ARHGAP40: variants seen among roughly 807,000 people sequenced by gnomAD.
ARHGAP40 encodes Rho GTPase activating protein 40, also known as rho GTPase-activating protein 40.
In ARHGAP40, 43 loss-of-function variants were observed where a neutral mutation model predicts 73.5. The observed-to-expected ratio is 0.58, with a 90% CI of 0.46 to 0.75. The LOEUF (loss-of-function observed/expected upper bound fraction) is 0.75, where lower values mean the gene tolerates loss of function less well. Ranked by LOEUF, ARHGAP40 falls within the 30% of genes least tolerant of loss-of-function variation. The pLI is 0.00. For synonymous variants in ARHGAP40, 300 were observed against 352.8 expected, an observed-to-expected ratio of 0.85 and a Z score of 1.68; for missense variants, 734 against 861.8, an observed-to-expected ratio of 0.85 and a Z score of 1.86.
intron 10 of ARHGAP40, among the ~76,000 whole-genome samples, chr20:38,643,290 CAG>C (rs1321428685): frequency 6.6e-6 from 1 of 152,240 alleles, no homozygotes; most frequent in African/African-American, 2.4e-5. Context: ...CTGCTCTTCT[CAG>C]TGTCTCTGCT....
rs1214550381 is a variant in ARHGAP40, at chr20:38,619,270, T to G, written c.138-4089T>G. Among the ~76,000 whole-genome samples the G allele has an allele frequency of 2.6e-5, 4 of 152,118 alleles. No homozygotes were observed. The East Asian group carries it at 7.7e-4, about 29-fold the overall frequency. On this transcript the variant is annotated intron_variant, in intron 1 of 14. Coordinates refer to ENST00000373345, the Ensembl canonical transcript of ARHGAP40. ...CTGGGATACCATGAGGATTCCTAGA[T>G]GCGGTGAAAGGCCAGTATTGTGAGC...
At chr20:38,610,260 C>G (rs185498366) in intron 1 of ARHGAP40, among the ~76,000 whole-genome samples, 3 of 151,730 alleles carry the variant, frequency 2.0e-5, no homozygotes, top group African/African-American at 7.3e-5. Context: ...CCCCCCTACC[C>G]CAAACCAGCT....
exon 15 of ARHGAP40, chr20:38,650,066 G>A: frequency 2.8e-6 from 1 of 359,128 alleles, no homozygotes; most frequent in East Asian, 7.4e-5. Context: ...CTCAGGGAGG[G>A]GAGGCCAACA....
intron 14 of ARHGAP40, 27 bp downstream of exon 14, chr20:38,648,725 C>G (rs368058653): frequency 7.7e-7 from 1 of 1,304,480 alleles, no homozygotes. Flanking sequence ...GAAACAGGAA[C>G]AGAGCCCGGG....
intron 1 of ARHGAP40, among the ~76,000 whole-genome samples, chr20:38,607,905 C>T (rs2088781165): frequency 1.3e-5 from 2 of 152,208 alleles, no homozygotes; most frequent in Non-Finnish European, 2.9e-5. Flanking sequence ...TTTCTATCTG[C>T]TGCCAACTTT....
intron 1 of ARHGAP40, among the ~76,000 whole-genome samples, chr20:38,618,164 A>G (rs1336251888): frequency 6.7e-6 from 1 of 149,332 alleles, no homozygotes; most frequent in African/African-American, 2.5e-5. Flanking sequence ...CAGTGGTGCG[A>G]TCTTGGTTCA....
chr20:38,635,198 A>G (rs1329538365), intron 6 of ARHGAP40, among the ~76,000 whole-genome samples: 1 of 148,846 alleles, frequency 6.7e-6, no homozygotes, highest in African/African-American at 2.4e-5. Flanking sequence ...CAGCTTCTAT[A>G]TTCCTTCTGT....
In ARHGAP40 at chr20:38,640,142, T is replaced by TCC. The variant is rs1430262689; in HGVS notation, c.1279+756_1279+757insCC. On this transcript the variant is annotated intron_variant, in intron 9 of 14. Coordinates refer to ENST00000373345, the Ensembl canonical transcript of ARHGAP40. ...TCTTCTTCCTCTTCTTTCTTCTTCT[T>TCC]TCTTCTTCCTCTTCTTTCTTCTTTC... 9.6e-3 allele frequency among the ~76,000 whole-genome samples: 419 copies of TCC among 43,500 alleles called. 7 individuals carry two copies. The highest frequency in any genetic ancestry group is 0.023 in the African/African-American group (253 of 10,970). 28.5% of individuals were successfully genotyped at this position (43,500 alleles called of 152,430 possible).
At chr20:38,639,696 C>A (rs2089002436) in intron 9 of ARHGAP40, among the ~76,000 whole-genome samples, 4 of 152,254 alleles carry the variant, frequency 2.6e-5, no homozygotes, top group Admixed American at 2.0e-4. Flanking sequence ...TCCTTCACAT[C>A]TTGACATCCA....
intron 1 of ARHGAP40, among the ~76,000 whole-genome samples, chr20:38,602,946 C>T (rs1383137583): frequency 6.6e-6 from 1 of 152,176 alleles, no homozygotes; most frequent in African/African-American, 2.4e-5. Context: ...CAATTTTTAA[C>T]GATTCTAAGC....
intron 5 of ARHGAP40, among the ~76,000 whole-genome samples, chr20:38,630,760 C>T (rs1011512408): frequency 4.6e-5 from 7 of 152,142 alleles, no homozygotes; most frequent in Non-Finnish European, 8.8e-5. Context: ...CTTCCTACCC[C>T]ACCACCCCCT....
intron 2 of ARHGAP40, among the ~76,000 whole-genome samples, chr20:38,626,450 G>C (rs866332583): frequency 1.3e-5 from 2 of 152,228 alleles, no homozygotes; most frequent in African/African-American, 2.4e-5. Context: ...GGTAAGACCC[G>C]AGATCCTGAA....
exon 15 of ARHGAP40, chr20:38,649,934 T>A: frequency 9.9e-7 from 1 of 1,006,240 alleles, no homozygotes; most frequent in Non-Finnish European, 1.4e-6. Flanking sequence ...AGAACAAAGC[T>A]ATTCCAGGGG....
At chr20:38,613,181 C>T (rs1341635547) in intron 1 of ARHGAP40, among the ~76,000 whole-genome samples, 1 of 152,068 alleles carries the variant, frequency 6.6e-6, no homozygotes, top group Admixed American at 6.6e-5. Context: ...GTGTTGGGGA[C>T]GTGGTGGGGG....
intron 1 of ARHGAP40, among the ~76,000 whole-genome samples, chr20:38,618,212 G>A (rs1186428018): frequency 6.6e-6 from 1 of 151,610 alleles, no homozygotes. Context: ...TGATTCTCCT[G>A]CCTCAGCCTC....
intron 11 of ARHGAP40, among the ~76,000 whole-genome samples, chr20:38,645,509 A>G (rs1028101730): frequency 1.3e-5 from 2 of 152,232 alleles, no homozygotes; most frequent in African/African-American, 4.8e-5. Flanking sequence ...ACATAGCAGC[A>G]AAAAGGGGAA....
At chr20:38,628,358 GC>G (rs1228603352) in intron 3 of ARHGAP40, among the ~76,000 whole-genome samples, 4 of 151,276 alleles carry the variant, frequency 2.6e-5, no homozygotes, top group Non-Finnish European at 5.9e-5. Flanking sequence ...AGGCTAGAGT[GC>G]AGTGGCGACA....
chr20:38,648,314 C>A (rs2089066496), intron 13 of ARHGAP40, among the ~76,000 whole-genome samples: 1 of 152,258 alleles, frequency 6.6e-6, no homozygotes, highest in African/African-American at 2.4e-5. Flanking sequence ...CCCCTCACAG[C>A]AGGCTCCTGT....
chr20:38,638,405 C>T (rs576201851), intron 7 of ARHGAP40, among the ~76,000 whole-genome samples: 5 of 152,102 alleles, frequency 3.3e-5, no homozygotes, highest in Admixed American at 6.5e-5. Flanking sequence ...AAGCTGGTCT[C>T]GAACTCCTGG....
Sources: allele counts gnomAD v4.1 joint callset (sites outside exome capture counted in the v4.1 genomes callset), GRCh38; gene constraint gnomAD v4.1.1; transcripts MANE v1.5; gene names NCBI Gene and HGNC (gene_info 2026-07-23, HGNC 2026-07-21).